Variants in CEP83 observed in about 807,000 individuals in gnomAD.
CEP83 encodes centrosomal protein of 83 kDa.
CEP83 carries 70 observed loss-of-function variants against 101.9 expected under a neutral mutation model. That is an observed-to-expected ratio of 0.69 (90% CI 0.57 to 0.84). The LOEUF is 0.84. Ranked by LOEUF, CEP83 falls within the 40% of genes least tolerant of loss-of-function variation. The pLI is 0.00. For missense variants in CEP83, 715 were observed against 787.2 expected (o/e 0.91, Z 1.10); for synonymous variants, 264 against 267.9 (o/e 0.99, Z 0.14).
chr12:94,437,352 T>TAC (rs757157173), intron 1 of CEP83, among the ~76,000 whole-genome samples: 1 of 151,792 alleles, frequency 6.6e-6, no homozygotes, highest in Admixed American at 6.6e-5. Flanking sequence ...CTAAAACACA[T>TAC]ACACACACAC....
intron 2 of CEP83, among the ~76,000 whole-genome samples, chr12:94,413,718 C>T (rs553724298): frequency 1.3e-5 from 2 of 152,076 alleles, no homozygotes; most frequent in Non-Finnish European, 2.9e-5. Flanking sequence ...CTGTTTATTT[C>T]ATCTAGAAAT....
At chr12:94,297,238 T>A in the CEP83 span, 1 of 1,613,936 alleles carries the variant, frequency 6.2e-7, no homozygotes, top group African/African-American at 1.3e-5. Flanking sequence ...CAGGCTTTCT[T>A]GTGCTCACCA....
At chr12:94,280,448 G>A in the CEP83 span, among the ~76,000 whole-genome samples, 6 of 152,110 alleles carry the variant, frequency 3.9e-5, no homozygotes, top group African/African-American at 1.2e-4. Flanking sequence ...CCTCCCACTC[G>A]GCCCTCCCAG....
chr12:94,324,400 A>G (rs1470123774), intron 14 of CEP83, among the ~76,000 whole-genome samples: 1 of 152,246 alleles, frequency 6.6e-6, no homozygotes, highest in Admixed American at 6.5e-5. Flanking sequence ...TTGCATGATT[A>G]ATTAGCATAA....
intron 14 of CEP83, among the ~76,000 whole-genome samples, chr12:94,319,802 C>T (rs1971339237): frequency 6.6e-6 from 1 of 152,124 alleles, no homozygotes; most frequent in South Asian, 2.1e-4. Context: ...ATGTGCCATG[C>T]AGCAATGAGA....
intron 11 of CEP83, among the ~76,000 whole-genome samples, chr12:94,337,092 G>A (rs2059481481): frequency 6.6e-6 from 1 of 152,150 alleles, no homozygotes; most frequent in Non-Finnish European, 1.5e-5. Context: ...TTGAGAATCT[G>A]GATACAATTG....
the CEP83 span, among the ~76,000 whole-genome samples, chr12:94,266,578 G>C: frequency 6.6e-6 from 1 of 152,216 alleles, no homozygotes; most frequent in South Asian, 2.1e-4. Context: ...TGCGGGTGCT[G>C]CTTAACAACT....
At chr12:94,456,007 C>A (rs910947066) in intron 1 of CEP83, among the ~76,000 whole-genome samples, 2 of 150,662 alleles carry the variant, frequency 1.3e-5, no homozygotes, top group African/African-American at 2.4e-5. Flanking sequence ...AAGATTGCAC[C>A]ACTACGCTCC....
At chr12:94,276,600 G>A in the CEP83 span, among the ~76,000 whole-genome samples, 1 of 152,226 alleles carries the variant, frequency 6.6e-6, no homozygotes, top group Non-Finnish European at 1.5e-5. Flanking sequence ...TGTTCCTGGA[G>A]CAAGTTACTC....
At chr12:94,293,102 T>C in the CEP83 span, among the ~76,000 whole-genome samples, 1 of 152,238 alleles carries the variant, frequency 6.6e-6, no homozygotes, top group Non-Finnish European at 1.5e-5. Flanking sequence ...TATACTTTCT[T>C]TTCTGTCGAG....
chr12:94,344,564 CAATT>C (rs2059845051), intron 11 of CEP83, among the ~76,000 whole-genome samples: 3 of 149,958 alleles, frequency 2.0e-5, no homozygotes, highest in Non-Finnish European at 4.5e-5. Context: ...ATGCAACGAA[CAATT>C]AAGAAGTCAA....
At chr12:94,324,427 C>T (rs1474771877) in intron 14 of CEP83, among the ~76,000 whole-genome samples, 1 of 152,070 alleles carries the variant, frequency 6.6e-6, no homozygotes, top group East Asian at 1.9e-4. Context: ...TTATACTATT[C>T]CTTTTGTTTT....
chr12:94,271,385 G>A, the CEP83 span, among the ~76,000 whole-genome samples: 1 of 152,226 alleles, frequency 6.6e-6, no homozygotes, highest in East Asian at 1.9e-4. Context: ...CTGTTCCCCT[G>A]CCCTTGATTC....
intron 7 of CEP83, 83 bp downstream of exon 7, chr12:94,378,708 T>C: frequency 6.8e-7 from 1 of 1,466,790 alleles, no homozygotes; most frequent in Admixed American, 1.9e-5. Flanking sequence ...GGGGCATACA[T>C]TTATGCTCTA....
At chr12:94,322,107 T>C (rs2058771995) in intron 14 of CEP83, among the ~76,000 whole-genome samples, 1 of 152,018 alleles carries the variant, frequency 6.6e-6, no homozygotes, top group Admixed American at 6.5e-5. Flanking sequence ...GAGACCTCGG[T>C]TGGGAGATCC....
At chr12:94,348,231 A>G (rs1274683062) in intron 11 of CEP83, among the ~76,000 whole-genome samples, 1 of 152,100 alleles carries the variant, frequency 6.6e-6, no homozygotes, top group Non-Finnish European at 1.5e-5. Flanking sequence ...AAATTTAAAA[A>G]AAAGAGGTCT....
rs758235299 is a variant in CEP83 at position 94,308,934 on chromosome 12, GA to G, written c.2002-18del. Reference sequence around the variant, plus strand: ...TTGTTCCTCCTTAAAATGATGTAGAGAAAGCATAGCAAAAGAAACTATTAGA... The same window carrying G: ...TTGTTCCTCCTTAAAATGATGTAGAGAAGCATAGCAAAAGAAACTATTAGA... On this transcript the variant is annotated intron_variant, in intron 16 of 16. Transcript: ENST00000397809. 1.7e-5 allele frequency: 26 copies of G among 1,553,316 alleles called. No homozygotes were observed. Among genetic ancestry groups the G allele is most frequent in the Non-Finnish European group, 2.1e-5 (24 of 1,125,806 alleles).
intron 6 of CEP83, among the ~76,000 whole-genome samples, chr12:94,393,954 AC>A (rs2062724929): frequency 1.3e-5 from 2 of 152,374 alleles, no homozygotes; most frequent in African/African-American, 4.8e-5. Flanking sequence ...ACTACAAACC[AC>A]TGCTCAACGA....
At chr12:94,456,407 G>A (rs2067683315) in intron 1 of CEP83, among the ~76,000 whole-genome samples, 1 of 152,254 alleles carries the variant, frequency 6.6e-6, no homozygotes, top group South Asian at 2.1e-4. Flanking sequence ...TACAAAAGTG[G>A]GGGAAAGTAG....
Sources: allele counts gnomAD v4.1 joint callset (sites outside exome capture counted in the v4.1 genomes callset), GRCh38; gene constraint gnomAD v4.1.1; transcripts MANE v1.5; gene names NCBI Gene and HGNC (gene_info 2026-07-23, HGNC 2026-07-21).